Variants in RUNDC3B observed in about 807,000 individuals in gnomAD.
The protein encoded by RUNDC3B is RUN domain containing 3B, also known as RUN domain-containing protein 3B.
In RUNDC3B, 33 loss-of-function variants were observed where a neutral mutation model predicts 58.4. That is an observed-to-expected ratio of 0.56 (90% confidence interval 0.43 to 0.75). The LOEUF (loss-of-function observed/expected upper bound fraction) is 0.75, where lower values mean the gene tolerates loss of function less well. Among genes scored for constraint, RUNDC3B ranks in the 30% least tolerant of loss-of-function variants. The pLI is 0.00. For missense variants in RUNDC3B, 501 were observed against 535.7 expected, an observed-to-expected ratio of 0.94 and a Z score of 0.64; for synonymous variants, 193 against 195.2, an observed-to-expected ratio of 0.99 and a Z score of 0.10.
At chr7:87,758,262 C>T (rs1156672623) in intron 6 of RUNDC3B, among the ~76,000 whole-genome samples, 1 of 152,110 alleles carries the variant, frequency 6.6e-6, no homozygotes, top group Non-Finnish European at 1.5e-5. Context: ...TTCAAGGCTG[C>T]AGTGAGTCAT....
chr7:87,798,054 T>C (rs1372813396), intron 8 of RUNDC3B, among the ~76,000 whole-genome samples: 2 of 152,198 alleles, frequency 1.3e-5, no homozygotes, highest in African/African-American at 4.8e-5. Context: ...TTCATTTAAC[T>C]AAGAGTTGGA....
At chr7:87,722,589 A>G (rs945342674) in intron 4 of RUNDC3B, among the ~76,000 whole-genome samples, 1 of 152,182 alleles carries the variant, frequency 6.6e-6, no homozygotes, top group Non-Finnish European at 1.5e-5. Context: ...AGAATGTGCA[A>G]CAGAAAGTAA....
At chr7:87,676,703 C>CAAAAAAA (rs57480483) in intron 2 of RUNDC3B, among the ~76,000 whole-genome samples, 1 of 45,426 alleles carries the variant, frequency 2.2e-5, no homozygotes, top group Non-Finnish European at 4.4e-5. Context: ...GACCCTGTCT[C>CAAAAAAA]AAAAAAAAAA....
chr7:87,639,274 A>AT (rs1199632554), intron 1 of RUNDC3B, among the ~76,000 whole-genome samples: 2 of 151,758 alleles, frequency 1.3e-5, no homozygotes, highest in Non-Finnish European at 2.9e-5. Flanking sequence ...ATTCTGAAAG[A>AT]TTTTGAGCTT....
At chr7:87,812,322 A>C (rs1836764742) in intron 9 of RUNDC3B, among the ~76,000 whole-genome samples, 2 of 152,198 alleles carry the variant, frequency 1.3e-5, no homozygotes, top group African/African-American at 4.8e-5. Context: ...ATTATGTTTA[A>C]CAATGGCTGG....
At chr7:87,728,499 G>A (rs1315044549) in intron 4 of RUNDC3B, among the ~76,000 whole-genome samples, 1 of 152,228 alleles carries the variant, frequency 6.6e-6, no homozygotes, top group Non-Finnish European at 1.5e-5. Flanking sequence ...AGATTCTAGG[G>A]GAGAATTAAT....
At chr7:87,713,547 T>G (rs1830281683) in intron 4 of RUNDC3B, among the ~76,000 whole-genome samples, 1 of 150,118 alleles carries the variant, frequency 6.7e-6, no homozygotes, top group Non-Finnish European at 1.5e-5. Flanking sequence ...AACAAAAACC[T>G]CGAAGAGTTA....
At chr7:87,671,515 T>C (rs191850501) in intron 2 of RUNDC3B, among the ~76,000 whole-genome samples, 26 of 152,260 alleles carry the variant, frequency 1.7e-4, no homozygotes, top group African/African-American at 6.3e-4. Flanking sequence ...CAGTACCTGG[T>C]TGCCTCGGAT....
rs564344966 is a variant in RUNDC3B, at chr7:87,715,665, A to G, written c.458+5010A>G. 2.0e-5 allele frequency among the ~76,000 whole-genome samples: 3 copies of G among 151,482 alleles called. No individual in the cohort carries two copies. In the East Asian group the frequency reaches 5.8e-4, roughly 29 times the overall value. ...AGAAGCATTTCATCATAGGAAGGACAATATTGACTGATTGATTGATTGCTT... is the reference window on the plus strand; with the variant it reads ...AGAAGCATTTCATCATAGGAAGGACGATATTGACTGATTGATTGATTGCTT... On this transcript the variant is annotated intron_variant, in intron 4 of 10. Transcript: ENST00000394654.
chr7:87,678,535 AG>A (rs1826606387), intron 2 of RUNDC3B, among the ~76,000 whole-genome samples: 1 of 152,198 alleles, frequency 6.6e-6, no homozygotes, highest in South Asian at 2.1e-4. Context: ...TCCAAAAAGA[AG>A]GTGGTGAAAA....
intron 10 of RUNDC3B, among the ~76,000 whole-genome samples, chr7:87,822,920 G>A (rs1333850714): frequency 6.6e-6 from 1 of 152,056 alleles, no homozygotes; most frequent in African/African-American, 2.4e-5. Context: ...GATAGCATTA[G>A]GAGATATACC....
intron 2 of RUNDC3B, among the ~76,000 whole-genome samples, chr7:87,681,810 C>A (rs1369775783): frequency 1.3e-5 from 2 of 152,152 alleles, no homozygotes; most frequent in African/African-American, 4.8e-5. Flanking sequence ...CCAGACCAGT[C>A]TGGGCAATAT....
At chr7:87,783,074 A>G (rs961445085) in intron 8 of RUNDC3B, among the ~76,000 whole-genome samples, 23 of 151,926 alleles carry the variant, frequency 1.5e-4, no homozygotes, top group African/African-American at 5.1e-4. Context: ...CACTACTATT[A>G]TTGTGTGGTT....
At chr7:87,764,584 C>T (rs536752157) in intron 6 of RUNDC3B, among the ~76,000 whole-genome samples, 2 of 151,656 alleles carry the variant, frequency 1.3e-5, no homozygotes, top group East Asian at 3.9e-4. Flanking sequence ...TTTTAGAGTC[C>T]CTAGTGTTTA....
At chr7:87,783,989 A>C (rs562626125) in intron 8 of RUNDC3B, among the ~76,000 whole-genome samples, 1 of 152,156 alleles carries the variant, frequency 6.6e-6, no homozygotes, top group African/African-American at 2.4e-5. Flanking sequence ...GGGGGTGGTC[A>C]TCTTGTATAG....
chr7:87,727,180 A>G (rs1447573772), intron 4 of RUNDC3B, among the ~76,000 whole-genome samples: 3 of 152,148 alleles, frequency 2.0e-5, no homozygotes, highest in Non-Finnish European at 1.5e-5. Context: ...TTCAAAGGGA[A>G]TGCTTCCAGT....
intron 4 of RUNDC3B, chr7:87,713,351 G>A (rs1055006926): frequency 6.6e-6 from 1 of 152,186 alleles, no homozygotes; most frequent in Non-Finnish European, 1.5e-5. Flanking sequence ...GGAGCTACAT[G>A]AACTAAGGCA....
At chr7:87,755,218 T>C (rs1274709352) in intron 6 of RUNDC3B, among the ~76,000 whole-genome samples, 1 of 152,110 alleles carries the variant, frequency 6.6e-6, no homozygotes, top group Non-Finnish European at 1.5e-5. Context: ...ATATGGGGTT[T>C]CATCATGTTG....
chr7:87,654,657 T>C (rs1823904718), intron 2 of RUNDC3B, among the ~76,000 whole-genome samples: 2 of 152,086 alleles, frequency 1.3e-5, no homozygotes, highest in Non-Finnish European at 1.5e-5. Context: ...CTCCATGACA[T>C]TGGTCTGGGT....
Sources: allele counts gnomAD v4.1 joint callset (sites outside exome capture counted in the v4.1 genomes callset), GRCh38; gene constraint gnomAD v4.1.1; transcripts MANE v1.5; gene names NCBI Gene and HGNC (gene_info 2026-07-23, HGNC 2026-07-21).